Variants in NEMP2 observed in about 807,000 individuals in gnomAD.
NEMP2 encodes UPF0571 transmembrane protein.
In NEMP2, 53 loss-of-function variants were observed where a neutral mutation model predicts 54.2. The observed-to-expected ratio is 0.98, with a 90% confidence interval of 0.78 to 1.23. NEMP2 has a LOEUF of 1.23. NEMP2 is among the 50% of genes most tolerant of loss of function. NEMP2 has a pLI of 0.00. For missense variants in NEMP2, 455 were observed against 511.3 expected (o/e 0.89, Z 1.06); for synonymous variants, 197 against 190.3 (o/e 1.04, Z -0.29).
the NEMP2 span, among the ~76,000 whole-genome samples, chr2:190,438,216 A>AT: frequency 7.4e-3 from 12 of 1,614 alleles, no homozygotes; most frequent in Non-Finnish European, 0.04. The surrounding 1 kb of genome is among the most constrained non-coding windows in gnomAD (Gnocchi z 5.2). Flanking sequence ...TTTTAGTTAT[A>AT]AAAAAAAAAA....
chr2:190,629,942 C>T, the NEMP2 span: 1 of 152,178 alleles, frequency 6.6e-6, no homozygotes, highest in Non-Finnish European at 1.5e-5. Context: ...CCAGTACAAT[C>T]CTAAAGACAA....
chr2:190,489,111 G>A, the NEMP2 span, among the ~76,000 whole-genome samples: 187 of 152,150 alleles, frequency 1.2e-3, no homozygotes, highest in Non-Finnish European at 2.3e-3. This position sits in a 1 kb window ranked among gnomAD's most constrained non-coding sequence, Gnocchi z 6.6. Context: ...GAGTGCTTTT[G>A]GTCTAAAATA....
chr2:190,531,443 C>CCTTAACTT lies in NEMP2; in HGVS notation c.97+3115_97+3116insAAGTTAAG. ...ATCATTTTCCTTAACTTCTTGCAAT[C>CCTTAACTT]CTCAGCAGGCTCTTTGATGCTTTCA... On this transcript the variant is annotated intron_variant, in intron 1 of 8. Coordinates refer to ENST00000409150, the MANE Select transcript of NEMP2 (RefSeq NM_001142645.2). The surrounding 1 kb of genome is among the most constrained non-coding windows in gnomAD (Gnocchi z 4.7). 1.3e-5 allele frequency among the ~76,000 whole-genome samples: 2 copies of CCTTAACTT among 152,228 alleles called. No homozygotes were observed. The highest frequency in any genetic ancestry group is 1.3e-4 in the Admixed American group (2 of 15,288).
At chr2:190,606,352 G>C in the NEMP2 span, among the ~76,000 whole-genome samples, 3 of 152,190 alleles carry the variant, frequency 2.0e-5, no homozygotes, top group Non-Finnish European at 4.4e-5. Context: ...AAGTTCACTT[G>C]TCTGAAATTA....
chr2:190,444,584 T>G, the NEMP2 span, among the ~76,000 whole-genome samples: 1 of 152,208 alleles, frequency 6.6e-6, no homozygotes, highest in Non-Finnish European at 1.5e-5. Flanking sequence ...AAGTCATCAT[T>G]CTCCACAACT....
the NEMP2 span, among the ~76,000 whole-genome samples, chr2:190,575,444 T>C: frequency 5.9e-5 from 9 of 152,286 alleles, no homozygotes; most frequent in South Asian, 1.9e-3. Context: ...GATTAGCCAG[T>C]TTGTGGCATT....
the NEMP2 span, among the ~76,000 whole-genome samples, chr2:190,642,608 A>G: frequency 7.2e-5 from 11 of 152,238 alleles, 1 homozygote; most frequent in African/African-American, 2.6e-4. The surrounding 1 kb of genome is among the most constrained non-coding windows in gnomAD (Gnocchi z 4.1). Flanking sequence ...TCTACAATAC[A>G]CTTCCAAAGC....
At chr2:190,481,441 G>A in the NEMP2 span, among the ~76,000 whole-genome samples, 2 of 151,954 alleles carry the variant, frequency 1.3e-5, no homozygotes, top group East Asian at 1.9e-4. Flanking sequence ...TGCTTTCTTC[G>A]TCATATCCCA....
chr2:190,548,471 T>C, the NEMP2 span, among the ~76,000 whole-genome samples: 1 of 152,234 alleles, frequency 6.6e-6, no homozygotes. Context: ...CTAATTTTCT[T>C]GGATTTGTTT....
chr2:190,445,092 A>G, the NEMP2 span, among the ~76,000 whole-genome samples: 2 of 152,138 alleles, frequency 1.3e-5, no homozygotes, highest in Non-Finnish European at 2.9e-5. Context: ...CCTGGCTTCC[A>G]TCCTGCTTGT....
At chr2:190,545,663 T>C in the NEMP2 span, among the ~76,000 whole-genome samples, 1 of 152,244 alleles carries the variant, frequency 6.6e-6, no homozygotes, top group African/African-American at 2.4e-5. Context: ...CTATTTTCTT[T>C]CATGTGTTTT....
the NEMP2 span, among the ~76,000 whole-genome samples, chr2:190,480,854 A>G: frequency 3.9e-5 from 6 of 152,246 alleles, no homozygotes; most frequent in Non-Finnish European, 7.3e-5. Context: ...GTTAGAAAAC[A>G]TACAATACAA....
chr2:190,487,210 G>A, the NEMP2 span, among the ~76,000 whole-genome samples: 75 of 152,106 alleles, frequency 4.9e-4, 1 homozygote, highest in Non-Finnish European at 5.0e-4. The surrounding 1 kb of genome is among the most constrained non-coding windows in gnomAD (Gnocchi z 5.5). Context: ...GGGTGGTGGC[G>A]GGCACTTGTA....
At chr2:190,437,956 T>A in the NEMP2 span, among the ~76,000 whole-genome samples, 4 of 152,282 alleles carry the variant, frequency 2.6e-5, no homozygotes, top group South Asian at 8.3e-4. The surrounding 1 kb of genome is among the most constrained non-coding windows in gnomAD (Gnocchi z 5.9). Flanking sequence ...TAAAGTGGAC[T>A]TTTTTAAGCC....
the NEMP2 span, among the ~76,000 whole-genome samples, chr2:190,544,788 A>G: frequency 6.6e-6 from 1 of 152,118 alleles, no homozygotes; most frequent in South Asian, 2.1e-4. Flanking sequence ...CCAGTTATTT[A>G]TTATTTTTTT....
the NEMP2 span, among the ~76,000 whole-genome samples, chr2:190,558,435 C>T: frequency 9.9e-5 from 15 of 152,100 alleles, no homozygotes; most frequent in Non-Finnish European, 2.1e-4. This position sits in a 1 kb window ranked among gnomAD's most constrained non-coding sequence, Gnocchi z 4.4. Flanking sequence ...CAAACCTGCA[C>T]GTTGTGCACA....
the NEMP2 span, among the ~76,000 whole-genome samples, chr2:190,562,536 T>G: frequency 6.6e-6 from 1 of 152,226 alleles, no homozygotes; most frequent in African/African-American, 2.4e-5. This position sits in a 1 kb window ranked among gnomAD's most constrained non-coding sequence, Gnocchi z 5.0. Context: ...ATCAATTGAT[T>G]GATCAGACTT....
At chr2:190,591,047 C>T in the NEMP2 span, among the ~76,000 whole-genome samples, 1 of 152,082 alleles carries the variant, frequency 6.6e-6, no homozygotes, top group Non-Finnish European at 1.5e-5. The surrounding 1 kb of genome is among the most constrained non-coding windows in gnomAD (Gnocchi z 5.4). Context: ...GACATATGCT[C>T]TTATGGACTC....
chr2:190,472,558 A>G, the NEMP2 span, among the ~76,000 whole-genome samples: 1 of 152,208 alleles, frequency 6.6e-6, no homozygotes, highest in South Asian at 2.1e-4. Flanking sequence ...AAAGAAACGA[A>G]CAAAGCCTCC....
Sources: allele counts gnomAD v4.1 joint callset (sites outside exome capture counted in the v4.1 genomes callset), GRCh38; gene constraint gnomAD v4.1.1; non-coding constraint Gnocchi (gnomAD v3.1); transcripts MANE v1.5; gene names NCBI Gene and HGNC (gene_info 2026-07-23, HGNC 2026-07-21).